CHST15: variants seen among roughly 807,000 people sequenced by gnomAD.
CHST15 encodes carbohydrate sulfotransferase 15, also known as B cell RAG associated protein (GALNAC4S-6ST).
Under a neutral mutation model 53.6 loss-of-function variants are expected in CHST15, and 30 were observed. The ratio of observed to expected loss-of-function variants is 0.56; its 90% CI spans 0.42 to 0.76. CHST15 has a LOEUF of 0.76. Ranked by LOEUF, CHST15 falls within the 30% of genes least tolerant of loss-of-function variation. CHST15 has a pLI of 0.00. For synonymous variants in CHST15, 296 were observed against 289.8 expected (o/e 1.02, Z -0.22); for missense variants, 627 against 740.5 (o/e 0.85, Z 1.78).
chr10:124,011,903 T>C (rs1440284083), intron 7 of CHST15: 2 of 970,036 alleles, frequency 2.1e-6, no homozygotes, highest in Non-Finnish European at 2.5e-6. Flanking sequence ...TGACATCCTG[T>C]TGGTCCTACA....
At chr10:124,085,957 G>A (rs539910775) in intron 1 of CHST15, among the ~76,000 whole-genome samples, 6 of 152,246 alleles carry the variant, frequency 3.9e-5, no homozygotes, top group South Asian at 2.1e-4. Context: ...CAGGCGTCTC[G>A]TTGCAAACAC....
intron 5 of CHST15, among the ~76,000 whole-genome samples, chr10:124,025,494 C>T (rs367638796): frequency 2.0e-5 from 3 of 152,126 alleles, no homozygotes; most frequent in South Asian, 4.1e-4. Context: ...AACCCCACTG[C>T]GAGAAACTAT....
chr10:124,012,053 G>A (rs1250215068), intron 7 of CHST15, among the ~76,000 whole-genome samples: 2 of 152,182 alleles, frequency 1.3e-5, no homozygotes, highest in Non-Finnish European at 1.5e-5. Context: ...AGTTAGGTGA[G>A]CTATGGCTTC....
At chr10:124,078,325 C>T (rs1454833339) in intron 1 of CHST15, among the ~76,000 whole-genome samples, 1 of 152,232 alleles carries the variant, frequency 6.6e-6, no homozygotes, top group Non-Finnish European at 1.5e-5. Context: ...GCAGGGTGAA[C>T]TCCTCTGAAC....
chr10:124,029,355 T>C (rs899279669), intron 5 of CHST15, among the ~76,000 whole-genome samples: 3 of 152,186 alleles, frequency 2.0e-5, no homozygotes, highest in Non-Finnish European at 2.9e-5. Context: ...GTGAGGCTCA[T>C]TTTCTGCCAG....
At chr10:124,081,392 G>A (rs1316475563) in intron 1 of CHST15, among the ~76,000 whole-genome samples, 1 of 124,134 alleles carries the variant, frequency 8.1e-6, no homozygotes, top group Non-Finnish European at 1.7e-5. Flanking sequence ...ACACACACAC[G>A]CGTGCACACA....
chr10:124,061,492 C>T (rs1250669529), intron 1 of CHST15, among the ~76,000 whole-genome samples: 1 of 152,180 alleles, frequency 6.6e-6, no homozygotes, highest in Non-Finnish European at 1.5e-5. Context: ...CCTTATTCTT[C>T]CCAGTCTTGG....
chr10:124,038,613 G>C lies in CHST15; in HGVS notation c.1092C>G (p.Asn364Lys). Residue 364 changes from asparagine to lysine, a missense_variant, in exon 5 of 8, where the codon AAC (asparagine) becomes AAG (lysine). Physicochemically the swap from Asn to Lys is moderately conservative, Grantham distance 94 (BLOSUM62 0). Around this residue, in one of 3 missense-constraint regions of CHST15, gnomAD observed 279 missense variants for 371.6 expected, o/e 0.75. Coordinates refer to ENST00000435907, the MANE Select transcript of CHST15 (RefSeq NM_001270764.2). ...DNNAWTFFYD[N>K]STDGEPPFLT... ...GAAACGGTGGCTCGCCATCCGTGCT[G>C]TTGTCGTAGAAGAACGTCCAGGCAT... The C allele has an allele frequency of 6.2e-7, 1 of 1,614,164 alleles. No homozygotes were observed. The highest frequency in any genetic ancestry group is 8.5e-7 in the Non-Finnish European group (1 of 1,180,032).
intron 5 of CHST15, among the ~76,000 whole-genome samples, chr10:124,030,692 A>G (rs1432998297): frequency 6.6e-6 from 1 of 152,224 alleles, no homozygotes; most frequent in Non-Finnish European, 1.5e-5. Flanking sequence ...AAAACATCGC[A>G]TGACATTCCC....
At chr10:124,090,020 A>C (rs1042506288) in intron 1 of CHST15, among the ~76,000 whole-genome samples, 21 of 152,202 alleles carry the variant, frequency 1.4e-4, no homozygotes, top group Admixed American at 6.5e-5. Flanking sequence ...CCTCACCTCC[A>C]GCCTAGGGAC....
intron 1 of CHST15, among the ~76,000 whole-genome samples, chr10:124,058,656 G>A (rs923703842): frequency 9.9e-5 from 15 of 152,204 alleles, no homozygotes; most frequent in African/African-American, 3.6e-4. Context: ...CCCTTGTAAG[G>A]AGGCGAGGCT....
chr10:124,034,943 C>CG (rs1947395971), intron 5 of CHST15, among the ~76,000 whole-genome samples: 3 of 138,462 alleles, frequency 2.2e-5, no homozygotes, highest in Non-Finnish European at 1.6e-5. Flanking sequence ...ACCCTGGCTC[C>CG]ACCCCTAACA....
intron 6 of CHST15, among the ~76,000 whole-genome samples, chr10:124,016,866 C>T (rs149308299): frequency 2.6e-5 from 4 of 152,278 alleles, no homozygotes; most frequent in East Asian, 1.9e-4. Context: ...CCTTTTATCA[C>T]GAAGACTCAA....
intron 1 of CHST15, among the ~76,000 whole-genome samples, chr10:124,080,865 C>T (rs756570382): frequency 1.3e-5 from 2 of 152,204 alleles, no homozygotes; most frequent in African/African-American, 4.8e-5. Flanking sequence ...TCCATCGGCC[C>T]AATCATTCTT....
rs79632947 is a variant in CHST15, at chr10:124,036,199, G to A, written c.1190+2316C>T. 0.03 allele frequency among the ~76,000 whole-genome samples: 4,565 copies of A among 152,290 alleles called. 191 individuals carry two copies. The highest frequency in any genetic ancestry group is 0.19 in the East Asian group (964 of 5,160). ...TCCGGGGGCGGCGAGGGGTCAGCTC[G>A]AGGTGACAGTTATGTCACCATGAGA... On this transcript the variant is annotated intron_variant, in intron 5 of 7. Coordinates refer to ENST00000435907, the MANE Select transcript of CHST15 (RefSeq NM_001270764.2). The surrounding 1 kb of genome is among the most constrained non-coding windows in gnomAD (Gnocchi z 5.1).
intron 4 of CHST15, 54 bp from the exon 5 acceptor site, chr10:124,038,725 A>T (rs571782214): frequency 6.3e-7 from 1 of 1,592,076 alleles, no homozygotes; most frequent in African/African-American, 1.3e-5. Flanking sequence ...GCTCCCACGG[A>T]GTGGCTCTAG....
intron 1 of CHST15, among the ~76,000 whole-genome samples, chr10:124,060,130 T>C (rs565793342): frequency 2.0e-5 from 3 of 148,192 alleles, no homozygotes; most frequent in African/African-American, 5.0e-5. Flanking sequence ...TGCACAGGTG[T>C]GCCAGCCCCC....
intron 1 of CHST15, among the ~76,000 whole-genome samples, chr10:124,061,749 G>A (rs1948581644): frequency 6.6e-6 from 1 of 152,192 alleles, no homozygotes; most frequent in Non-Finnish European, 1.5e-5. Context: ...TCCAGGACGT[G>A]AGTTCACGTC....
chr10:124,085,006 G>A lies in CHST15; in HGVS notation c.-513+8463C>T, dbSNP rs183880658. Among the ~76,000 whole-genome samples, 4 of 152,320 alleles carry A rather than the reference G, an allele frequency of 2.6e-5. No individual in the cohort carries two copies. The East Asian group carries it at 5.8e-4, about 22-fold the overall frequency. On this transcript the variant is annotated intron_variant, in intron 1 of 7. Transcript: ENST00000435907. Reference sequence around the variant, plus strand: ...CTCCCCGGGGCAACCCTGCTTTCTTGTAATCCTGGCGGTTCCTTCCATGCA... The same window carrying A: ...CTCCCCGGGGCAACCCTGCTTTCTTATAATCCTGGCGGTTCCTTCCATGCA...
Sources: gnomAD v4.1 joint callset for allele counts (sites outside exome capture counted in the v4.1 genomes callset) on GRCh38, gnomAD v4.1.1 for gene constraint, gnomAD v4.1.1 regional missense constraint, Gnocchi (gnomAD v3.1) non-coding constraint, MANE v1.5 for transcripts, NCBI Gene and HGNC (gene_info 2026-07-23, HGNC 2026-07-21) for gene names.